GPX8: variants seen among roughly 807,000 people sequenced by gnomAD.
GPX8 encodes glutathione peroxidase 8 (putative).
A neutral mutation model predicts 17.8 loss-of-function variants in GPX8; 12 were observed. That is an observed-to-expected ratio of 0.67 (90% CI 0.43 to 1.09). GPX8 has a LOEUF of 1.09. Ranked by LOEUF, GPX8 falls within the 50% of genes least tolerant of loss-of-function variation. The probability of loss-of-function intolerance (pLI) is 0.00; values close to 1 mark genes in which losing one functional copy is unlikely to be tolerated. For missense variants in GPX8, 209 were observed against 235.6 expected (o/e 0.89, Z 0.74); for synonymous variants, 86 against 88.1 (o/e 0.98, Z 0.14).
intron 2 of GPX8, among the ~76,000 whole-genome samples, chr5:55,163,233 A>G (rs747159317): frequency 1.1e-4 from 16 of 152,196 alleles, no homozygotes; most frequent in Non-Finnish European, 1.6e-4. Context: ...TCAAAAGGAT[A>G]TCATGGCTGG....
In GPX8 at chr5:55,166,628, G is replaced by A. The variant is rs1744402768; in HGVS notation, c.*2410G>A. The A allele has an allele frequency of 6.6e-6, 1 of 152,162 alleles. No homozygotes were observed. Among genetic ancestry groups the A allele is most frequent in the Non-Finnish European group, 1.5e-5 (1 of 68,042 alleles). The allele number at this position is 152,162 out of a possible 1,614,324, so 9.4% of individuals were successfully genotyped here. A position where few individuals can be genotyped will look rare whatever the true frequency, so the allele number is the denominator to read the frequency against. On this transcript the variant is annotated 3_prime_UTR_variant, in exon 3 of 3. Transcript: ENST00000503787. ...CGGACAAACACATAGAGGAAAAGTT[G>A]AATCTTTCCTATATTGGACAATCTT... is the stretch of plus-strand genomic sequence containing the variant.
intron 2 of GPX8, among the ~76,000 whole-genome samples, chr5:55,161,917 T>G (rs1744085903): frequency 6.6e-6 from 1 of 152,164 alleles, no homozygotes; most frequent in Non-Finnish European, 1.5e-5. Context: ...CCCTGCTCTT[T>G]TGTTTTTGCT....
At chr5:55,161,395 A>C in intron 2 of GPX8, 140 bp downstream of exon 2, 12 of 804,984 alleles carry the variant, frequency 1.5e-5, no homozygotes, top group African/African-American at 3.4e-5. Context: ...CCAGAATCTC[A>C]TCCTTTGTAA....
chr5:55,160,888 C>A, intron 1 of GPX8, 106 bp from the exon 2 acceptor site: 1 of 1,155,946 alleles, frequency 8.7e-7, no homozygotes, highest in Non-Finnish European at 1.2e-6. Flanking sequence ...AAACATCAAT[C>A]AGAGGTTATA....
chr5:55,166,311 T>C lies in GPX8; in HGVS notation c.*2093T>C, dbSNP rs1444345930. On this transcript the variant is annotated 3_prime_UTR_variant, in exon 3 of 3. Coordinates refer to ENST00000503787, the MANE Select transcript of GPX8 (RefSeq NM_001008397.4). ...ACATCCTGCCTTAAGTCACTAGCTC[T>C]CTCCAAAGCCAGATAAAGTGGGTTT... The C allele has an allele frequency of 1.3e-5, 2 of 152,232 alleles. No homozygotes were observed. Among genetic ancestry groups the C allele is most frequent in the South Asian group, 4.1e-4 (2 of 4,838 alleles). The allele number at this position is 152,232 out of a possible 1,614,324, so 9.4% of individuals were successfully genotyped here. A position where few individuals can be genotyped will look rare whatever the true frequency, so the allele number is the denominator to read the frequency against.
Position 55,164,283 on chromosome 5 carries a change from C to A in GPX8, c.*65C>A. Reference sequence around the variant, plus strand: ...CATGAGGGTTTGGTCTCATTTTAAACATTTTTTTTTTGGAGACAGTGTCTC... The same window carrying A: ...CATGAGGGTTTGGTCTCATTTTAAAAATTTTTTTTTTGGAGACAGTGTCTC... On this transcript the variant is annotated 3_prime_UTR_variant, in exon 3 of 3. Coordinates refer to ENST00000503787, the MANE Select transcript of GPX8 (RefSeq NM_001008397.4). 7.7e-7 allele frequency: 1 copy of A among 1,292,172 alleles called. No individual in the cohort carries two copies. Among genetic ancestry groups the A allele is most frequent in the Non-Finnish European group, 1.0e-6 (1 of 976,828 alleles). The allele number at this position is 1,292,172 out of a possible 1,614,324, so 80.0% of individuals were successfully genotyped here.
intron 2 of GPX8, among the ~76,000 whole-genome samples, chr5:55,163,833 G>A (rs979978080): frequency 6.7e-6 from 1 of 149,044 alleles, no homozygotes; most frequent in African/African-American, 2.5e-5. Context: ...TTGATACTAA[G>A]ATCACATACT....
intron 2 of GPX8, among the ~76,000 whole-genome samples, chr5:55,162,133 C>G (rs564276411): frequency 6.6e-6 from 1 of 150,506 alleles, no homozygotes; most frequent in Admixed American, 6.6e-5. Flanking sequence ...CGGTGGCTCA[C>G]GCCTGTAATC....
At chr5:55,162,291 G>A (rs1016722508) in intron 2 of GPX8, among the ~76,000 whole-genome samples, 8 of 152,270 alleles carry the variant, frequency 5.3e-5, no homozygotes, top group African/African-American at 1.9e-4. Context: ...AGCTATTCAG[G>A]AGGCTGAGGC....
chr5:55,166,344 T>C lies in GPX8; in HGVS notation c.*2126T>C, dbSNP rs1744384219. 1 of 152,266 alleles carries C rather than the reference T, an allele frequency of 6.6e-6. No homozygotes were observed. Among genetic ancestry groups the C allele is most frequent in the Admixed American group, 6.5e-5 (1 of 15,280 alleles). The allele number at this position is 152,266 out of a possible 1,614,324, so 9.4% of individuals were successfully genotyped here. On this transcript the variant is annotated 3_prime_UTR_variant, in exon 3 of 3. Coordinates refer to ENST00000503787, the MANE Select transcript of GPX8 (RefSeq NM_001008397.4). Reference sequence around the variant, plus strand: ...GCCAGATAAAGTGGGTTTCTTCACTTACATCTCTCTAATCTTGGCTGCCTT... The same window carrying C: ...GCCAGATAAAGTGGGTTTCTTCACTCACATCTCTCTAATCTTGGCTGCCTT...
At chr5:55,164,019 A>T in intron 2 of GPX8, 36 bp from the exon 3 acceptor site, 4 of 1,457,618 alleles carry the variant, frequency 2.7e-6, no homozygotes, top group Non-Finnish European at 3.7e-6. Flanking sequence ...CAAAGAATAA[A>T]ATTATGCTCA....
Position 55,166,447 on chromosome 5 carries a change from T to G in GPX8, c.*2229T>G, listed in dbSNP as rs762246876. 6.6e-6 allele frequency: 1 copy of G among 152,146 alleles called. No individual in the cohort carries two copies. Among genetic ancestry groups the G allele is most frequent in the Non-Finnish European group, 1.5e-5 (1 of 68,050 alleles). 9.4% of individuals were successfully genotyped at this position (152,146 alleles called of 1,614,324 possible). A position where few individuals can be genotyped will look rare whatever the true frequency, so the allele number is the denominator to read the frequency against. Reference sequence around the variant, plus strand: ...GGTAAGCAGAGTAGGCAGGAGGAGATTTGAAAGCGTGTCATACATATTGCC... The same window carrying G: ...GGTAAGCAGAGTAGGCAGGAGGAGAGTTGAAAGCGTGTCATACATATTGCC... On this transcript the variant is annotated 3_prime_UTR_variant, in exon 3 of 3. Transcript: ENST00000503787.
At chr5:55,162,635 C>T (rs556531595) in intron 2 of GPX8, among the ~76,000 whole-genome samples, 38 of 152,362 alleles carry the variant, frequency 2.5e-4, no homozygotes, top group Admixed American at 3.3e-4. Context: ...TAATGCCTAA[C>T]GCCATAAATG....
intron 2 of GPX8, among the ~76,000 whole-genome samples, chr5:55,163,609 T>C (rs1744208922): frequency 6.6e-6 from 1 of 151,846 alleles, no homozygotes; most frequent in African/African-American, 2.4e-5. Flanking sequence ...CAGGTTCAAA[T>C]GATTCTACTG....
At position 55,160,677 on chromosome 5, in the gene GPX8, C is replaced by T. The variant is rs1438546158; in HGVS notation, c.204+281C>T. Reference sequence around the variant, plus strand: ...ATAGTTAGTAATGTGAACATGATGACATTTATTAATAAAAGTATTGGTTCT... The same window carrying T: ...ATAGTTAGTAATGTGAACATGATGATATTTATTAATAAAAGTATTGGTTCT... On this transcript the variant is annotated intron_variant, in intron 1 of 2. Transcript: ENST00000503787. 6 of 451,600 alleles carry T rather than the reference C, an allele frequency of 1.3e-5. 1 individual carries two copies. Among genetic ancestry groups the T allele is most frequent in the African/African-American group, 1.2e-4 (6 of 49,288 alleles). The allele number at this position is 451,600 out of a possible 1,614,324, so 28.0% of individuals were successfully genotyped here.
At chr5:55,161,329 C>A in intron 2 of GPX8, 74 bp downstream of exon 2, 1 of 1,356,702 alleles carries the variant, frequency 7.4e-7, no homozygotes, top group South Asian at 1.4e-5. Flanking sequence ...ACAATACTTT[C>A]CTATTTCATT....
At chr5:55,162,081 C>T (rs1340566155) in intron 2 of GPX8, among the ~76,000 whole-genome samples, 1 of 118,038 alleles carries the variant, frequency 8.5e-6, no homozygotes, top group Non-Finnish European at 1.7e-5. Context: ...TGTTCTAAAC[C>T]ATATTAGTCA....
chr5:55,164,125 G>A lies in GPX8; in HGVS notation c.537G>A (p.Lys179=), dbSNP rs950401320. ...YLVNPEGQVV[K]FWKPEEPIEV... ...TCAACCCTGAGGGTCAAGTTGTGAA[G>A]TTCTGGAAGCCAGAGGAGCCCATTG... Residue 179 remains lysine, a synonymous_variant, in exon 3 of 3, where the codon AAG becomes AAA. Coordinates refer to ENST00000503787, the MANE Select transcript of GPX8 (RefSeq NM_001008397.4). 55 of 1,607,696 alleles carry A rather than the reference G, an allele frequency of 3.4e-5. No homozygotes were observed. Among genetic ancestry groups the A allele is most frequent in the Non-Finnish European group, 4.7e-5 (55 of 1,175,624 alleles).
intron 2 of GPX8, 118 bp from the exon 3 acceptor site, chr5:55,163,937 T>C: frequency 1.4e-6 from 1 of 716,050 alleles, no homozygotes; most frequent in Non-Finnish European, 2.1e-6. Flanking sequence ...TTGTTTTTTA[T>C]ATTATGACAG....
Sources: gnomAD v4.1 joint callset for allele counts (sites outside exome capture counted in the v4.1 genomes callset) on GRCh38, gnomAD v4.1.1 for gene constraint, MANE v1.5 for transcripts, NCBI Gene and HGNC (gene_info 2026-07-23, HGNC 2026-07-21) for gene names.